The following DHX33 variants were observed in gnomAD, a reference collection of about 807,000 sequenced individuals.
The protein encoded by DHX33 is DEAH-box helicase 33.
In DHX33, 42 loss-of-function variants were observed where a neutral mutation model predicts 72.5. The observed-to-expected ratio is 0.58, with a 90% CI of 0.45 to 0.75. The LOEUF (loss-of-function observed/expected upper bound fraction) is 0.75, where lower values mean the gene tolerates loss of function less well. DHX33 is among the 30% of genes least tolerant of loss of function. The pLI is 0.00. For synonymous variants in DHX33, 358 were observed against 366.1 expected (o/e 0.98, Z 0.25); for missense variants, 842 against 917.5 (o/e 0.92, Z 1.06).
In DHX33 at chr17:5,468,842, G is replaced by A. The variant is rs776131858; in HGVS notation, c.18C>T (p.Gly6=). 8.3e-6 allele frequency: 13 copies of A among 1,560,994 alleles called. No homozygotes were observed. Among genetic ancestry groups the A allele is most frequent in the Middle Eastern group, 1.7e-4 (1 of 5,908 alleles). MPEEA[G]FPPAKRFRPG... ...GCCGGAATCTCTTGGCCGGCGGGAAGCCCGCCTCCTCCGGCATGTCGGGAG... is the reference window on the plus strand; with the variant it reads ...GCCGGAATCTCTTGGCCGGCGGGAAACCCGCCTCCTCCGGCATGTCGGGAG... The change falls in exon 1 of 12, where the codon GGC becomes GGT. Residue 6 remains glycine (G), a synonymous_variant. Transcript: ENST00000225296.
intron 8 of DHX33, among the ~76,000 whole-genome samples, chr17:5,452,409 G>A (rs1443639105): frequency 6.6e-5 from 10 of 152,168 alleles, no homozygotes; most frequent in Non-Finnish European, 1.3e-4. Flanking sequence ...GCATGGTGGT[G>A]CACACCTGTA....
chr17:5,455,891 C>A, intron 5 of DHX33, 106 bp downstream of exon 5: 1 of 1,250,438 alleles, frequency 8.0e-7, no homozygotes, highest in Non-Finnish European at 1.1e-6. Flanking sequence ...ACCTGGGTAT[C>A]CCATCCCATA....
In DHX33 at chr17:5,455,247, T is replaced by C. The variant is rs1917137108; in HGVS notation, c.1060A>G (p.Thr354Ala). Reference protein sequence around the residue: ...PKGYRKVIISTNIAETSITIT... With the variant: ...PKGYRKVIISANIAETSITIT... Reference sequence around the variant, plus strand: ...GTTATGGAGGTTTCAGCGATGTTGGTTGAAATGATCACTTTGCGATAGCCC... The same window carrying C: ...GTTATGGAGGTTTCAGCGATGTTGGCTGAAATGATCACTTTGCGATAGCCC... The change falls in exon 6 of 12, where the codon ACC (threonine) becomes GCC (alanine). Residue 354 changes from threonine to alanine, a missense_variant. Thr to Ala is a moderately conservative substitution (Grantham distance 58). Coordinates refer to ENST00000225296, the MANE Select transcript of DHX33 (RefSeq NM_020162.4). 4 of 1,614,202 alleles carry C rather than the reference T, an allele frequency of 2.5e-6. No individual in the cohort carries two copies. The highest frequency in any genetic ancestry group is 2.2e-5 in the East Asian group (1 of 44,890).
chr17:5,463,667 T>C lies in DHX33; in HGVS notation c.312A>G (p.Thr104=). Residue 104 remains threonine, a synonymous_variant, in exon 2 of 12, where the codon ACA becomes ACG. Coordinates refer to ENST00000225296, the MANE Select transcript of DHX33 (RefSeq NM_020162.4). The part of the protein sequence containing the change: ...VLIGETGSGK[T]TQIPQYLYEG... The stretch of plus-strand genomic sequence containing the variant: ...CATACAGGTACTGAGGGATCTGAGT[T>C]GTCTTCCCAGAGCCAGTTTCCCCTA... The C allele has an allele frequency of 6.2e-7, 1 of 1,610,968 alleles. No individual in the cohort carries two copies. Among genetic ancestry groups the C allele is most frequent in the Non-Finnish European group, 8.5e-7 (1 of 1,178,734 alleles).
Position 5,444,358 on chromosome 17 carries a change from G to A in DHX33, c.1971C>T (p.Val657=). 4 of 1,614,248 alleles carry A rather than the reference G, an allele frequency of 2.5e-6. No homozygotes were observed. The highest frequency in any genetic ancestry group is 3.4e-6 in the Non-Finnish European group (4 of 1,180,046). The part of the protein sequence containing the change: ...HQPVAIHPSS[V]LFHCKPACVV... Reference sequence around the variant, plus strand: ...CGCAGGCCGGCTTGCAGTGGAAGAGGACAGACGACGGGTGGATGGCCACTG... The same window carrying A: ...CGCAGGCCGGCTTGCAGTGGAAGAGAACAGACGACGGGTGGATGGCCACTG... The change falls in exon 12 of 12, where the codon GTC becomes GTT. Residue 657 remains valine, a synonymous_variant. Transcript: ENST00000225296. The surrounding 1 kb of genome is among the most constrained non-coding windows in gnomAD (Gnocchi z 4.9).
intron 8 of DHX33, among the ~76,000 whole-genome samples, chr17:5,452,645 G>T (rs1334442406): frequency 6.6e-6 from 1 of 152,066 alleles, no homozygotes; most frequent in East Asian, 1.9e-4. Context: ...CTGAGCCCGG[G>T]AGGTTGAGGC....
chr17:5,456,271 G>A (rs988833991), intron 4 of DHX33, 89 bp from the exon 5 acceptor site: 2 of 1,365,854 alleles, frequency 1.5e-6, no homozygotes, highest in Admixed American at 2.0e-5. Flanking sequence ...ATGTTTCCCA[G>A]AGTTATTTCT....
intron 4 of DHX33, among the ~76,000 whole-genome samples, chr17:5,458,809 G>A (rs538987699): frequency 9.2e-5 from 14 of 152,312 alleles, no homozygotes; most frequent in African/African-American, 3.4e-4. Flanking sequence ...CTGGGATGTT[G>A]AAGTAAAAAC....
intron 9 of DHX33, 132 bp downstream of exon 9, chr17:5,450,675 T>G (rs1916863125): frequency 7.3e-7 from 1 of 1,376,608 alleles, no homozygotes; most frequent in African/African-American, 1.4e-5. Flanking sequence ...TCAGGGCTAT[T>G]TGCAAACTAG....
At chr17:5,464,500 G>A (rs1157751187) in intron 1 of DHX33, among the ~76,000 whole-genome samples, 4 of 152,090 alleles carry the variant, frequency 2.6e-5, no homozygotes, top group Admixed American at 2.6e-4. Flanking sequence ...TGTTTCTCAG[G>A]TGGTCAAATT....
At position 5,455,192 on chromosome 17, in the gene DHX33, G is replaced by A. The variant is rs770582434; in HGVS notation, c.1115C>T (p.Thr372Met). The A allele has an allele frequency of 5.6e-6, 9 of 1,614,072 alleles. No individual in the cohort carries two copies. The highest frequency in any genetic ancestry group is 3.3e-5 in the South Asian group (3 of 91,084). Residue 372 changes from threonine (T) to methionine (M), a missense_variant, in exon 6 of 12, where the codon ACG (threonine) becomes ATG (methionine). By Grantham distance (81) the Thr-to-Met change is moderately conservative. Transcript: ENST00000225296. Reference sequence around the variant, plus strand: ...ATACTTCTTTGCTTTAACCATGCCCGTGTCAACTACATATTTTATTCCTGT... The same window carrying A: ...ATACTTCTTTGCTTTAACCATGCCCATGTCAACTACATATTTTATTCCTGT... ...TITGIKYVVD[T>M]GMVKAKKYNP... is the part of the protein sequence containing the mutation.
At chr17:5,461,302 CCTT>C (rs202004492) in intron 3 of DHX33, 193 bp from the exon 4 acceptor site, 1,041 of 432,982 alleles carry the variant, frequency 2.4e-3, no homozygotes, top group Middle Eastern at 3.8e-3. Flanking sequence ...CCTTTCCTTT[CCTT>C]CTTTTTTTTT....
intron 1 of DHX33, among the ~76,000 whole-genome samples, chr17:5,465,257 G>GT (rs545121532): frequency 1.3e-5 from 2 of 151,980 alleles, no homozygotes; most frequent in East Asian, 1.9e-4. Flanking sequence ...TGATTTGTGG[G>GT]TTTTTTTCCC....
At chr17:5,445,320 C>G (rs1199667176) in intron 11 of DHX33, among the ~76,000 whole-genome samples, 1 of 152,184 alleles carries the variant, frequency 6.6e-6, no homozygotes, top group Non-Finnish European at 1.5e-5. Flanking sequence ...CTCAAGTGAT[C>G]TGCCCGCCTT....
chr17:5,463,577 A>G lies in DHX33; in HGVS notation c.402T>C (p.Ser134=), dbSNP rs1329348032. The G allele has an allele frequency of 3.1e-6, 5 of 1,614,012 alleles. No homozygotes were observed. ...TCTCATCTGAGACTCTAGTAGCAAG[A>G]GAGATGGCAGCTACTCGACGAGGCT... The part of the protein sequence containing the change: ...VTQPRRVAAI[S]LATRVSDEKR... The change falls in exon 2 of 12, where the codon TCT becomes TCC. Residue 134 remains serine (S), a synonymous_variant. Transcript: ENST00000225296.
chr17:5,465,012 T>C lies in DHX33; in HGVS notation c.290-1323A>G, dbSNP rs151241874. 3.1e-3 allele frequency among the ~76,000 whole-genome samples: 477 copies of C among 152,346 alleles called. 2 individuals carry two copies. The highest frequency in any genetic ancestry group is 0.011 in the African/African-American group (451 of 41,582). On this transcript the variant is annotated intron_variant, in intron 1 of 11. Coordinates refer to ENST00000225296, the MANE Select transcript of DHX33 (RefSeq NM_020162.4). ...TGTTGTACAGAAGCGTTTAAATGTG[T>C]CCGTCCTCCTCCAACACCAGAAGGG...
chr17:5,449,465 C>T (rs1355057983), intron 10 of DHX33, among the ~76,000 whole-genome samples: 1 of 152,180 alleles, frequency 6.6e-6, no homozygotes, highest in Non-Finnish European at 1.5e-5. Flanking sequence ...TAGATAGAGT[C>T]TCGCTCTGTC....
At position 5,468,957 on chromosome 17, in the gene DHX33, C is replaced by T; in HGVS notation, c.-98G>A. The stretch of plus-strand genomic sequence containing the variant: ...GCACACCGCCCCTTCCTCGCCGCCA[C>T]GTGCTGGCGGCTCCCGGCGACCACC... On this transcript the variant is annotated 5_prime_UTR_variant, in exon 1 of 12. The change creates a new upstream start codon in the 5' untranslated region. Coordinates refer to ENST00000225296, the MANE Select transcript of DHX33 (RefSeq NM_020162.4). The T allele has an allele frequency of 8.8e-7, 1 of 1,142,224 alleles. No homozygotes were observed. The highest frequency in any genetic ancestry group is 1.2e-6 in the Non-Finnish European group (1 of 810,230). 70.8% of individuals were successfully genotyped at this position (1,142,224 alleles called of 1,614,324 possible).
At chr17:5,445,952 A>G (rs1916642725) in intron 11 of DHX33, among the ~76,000 whole-genome samples, 1 of 152,122 alleles carries the variant, frequency 6.6e-6, no homozygotes. Context: ...TGTTGTTGAC[A>G]ATCAGCTGAT....
Sources: allele counts gnomAD v4.1 joint callset (sites outside exome capture counted in the v4.1 genomes callset), GRCh38; gene constraint gnomAD v4.1.1; non-coding constraint Gnocchi (gnomAD v3.1); transcripts MANE v1.5; gene names NCBI Gene and HGNC (gene_info 2026-07-23, HGNC 2026-07-21).